The following MYO18B variants were observed in gnomAD, a reference collection of about 807,000 sequenced individuals.
MYO18B encodes unconventional myosin-XVIIIb.
Under a neutral mutation model 273.0 loss-of-function variants are expected in MYO18B, and 204 were observed. That is an observed-to-expected ratio of 0.75 (90% CI 0.67 to 0.84). The LOEUF is 0.84. MYO18B is among the 40% of genes least tolerant of loss of function. The pLI, the probability that MYO18B is intolerant of heterozygous loss-of-function variation, is 0.00. For missense variants in MYO18B, 3,212 were observed against 3,287.6 expected (o/e 0.98, Z 0.56); for synonymous variants, 1,330 against 1,305.7 (o/e 1.02, Z -0.40).
intron 42 of MYO18B, among the ~76,000 whole-genome samples, chr22:26,018,974 G>A (rs184626172): frequency 1.3e-5 from 2 of 152,224 alleles, no homozygotes; most frequent in East Asian, 1.9e-4. Context: ...AGAAAGGAAC[G>A]CTGTGCACCC....
chr22:25,943,711 CTTTTTT>C (rs59256754), intron 34 of MYO18B, among the ~76,000 whole-genome samples: 7 of 79,576 alleles, frequency 8.8e-5, no homozygotes, highest in Admixed American at 4.3e-4. Context: ...TCTTTCTTTC[CTTTTTT>C]TTTTTTTTTT....
At chr22:25,781,888 TG>T in intron 10 of MYO18B, 54 bp downstream of exon 10, 2 of 1,260,976 alleles carry the variant, frequency 1.6e-6, no homozygotes, top group Non-Finnish European at 2.1e-6. Flanking sequence ...AAAGGGCACA[TG>T]TTCTTTGGGG....
chr22:25,921,840 G>A (rs985779953), intron 34 of MYO18B, among the ~76,000 whole-genome samples: 17 of 151,064 alleles, frequency 1.1e-4, no homozygotes, highest in African/African-American at 4.2e-4. Context: ...GTGTGTGTGT[G>A]TGTGTGTGTG....
chr22:25,993,904 ATTT>A (rs11434878), intron 40 of MYO18B, among the ~76,000 whole-genome samples: 1 of 150,980 alleles, frequency 6.6e-6, no homozygotes, highest in Non-Finnish European at 1.5e-5. Flanking sequence ...ACGGGTGACA[ATTT>A]TTTTTTTCTT....
At chr22:25,977,914 G>A (rs1435916280) in intron 39 of MYO18B, among the ~76,000 whole-genome samples, 1 of 152,308 alleles carries the variant, frequency 6.6e-6, no homozygotes, top group African/African-American at 2.4e-5. Context: ...TTGGGGTCAC[G>A]TTGCAAATGG....
chr22:25,905,506 G>A (rs893145840), intron 31 of MYO18B, among the ~76,000 whole-genome samples: 4 of 152,176 alleles, frequency 2.6e-5, no homozygotes, highest in Non-Finnish European at 5.9e-5. Context: ...AGGGTTGGGG[G>A]AGAGATCGGG....
intron 39 of MYO18B, among the ~76,000 whole-genome samples, chr22:25,978,689 C>T (rs1468302013): frequency 1.3e-5 from 2 of 152,152 alleles, no homozygotes; most frequent in South Asian, 2.1e-4. Flanking sequence ...CATGGTCGCT[C>T]ATGCCTGTAA....
chr22:25,905,393 G>A (rs2092021858), intron 31 of MYO18B, among the ~76,000 whole-genome samples: 1 of 152,140 alleles, frequency 6.6e-6, no homozygotes, highest in African/African-American at 2.4e-5. Context: ...GGATGCTGAG[G>A]GTGCAATTGC....
chr22:25,769,573 G>A (rs549034202), intron 4 of MYO18B, 145 bp downstream of exon 4: 3 of 726,638 alleles, frequency 4.1e-6, no homozygotes, highest in Non-Finnish European at 6.6e-6. Flanking sequence ...GAACTGCAAG[G>A]CACCCAGAGG....
chr22:25,758,342 CAT>C (rs1318342912), intron 1 of MYO18B, among the ~76,000 whole-genome samples: 2 of 135,512 alleles, frequency 1.5e-5, no homozygotes, highest in African/African-American at 2.7e-5. Flanking sequence ...TTGAATTAAA[CAT>C]AAAATTATTA....
Position 25,952,309 on chromosome 22 carries a change from C to T in MYO18B, c.5856C>T (p.Ile1952=), listed in dbSNP as rs1033918297. 1.9e-6 allele frequency: 3 copies of T among 1,610,562 alleles called. No homozygotes were observed. The highest frequency in any genetic ancestry group is 1.7e-5 in the Admixed American group (1 of 59,606). The change falls in exon 38 of 44, where the codon ATC becomes ATT. Residue 1952 remains isoleucine, a synonymous_variant. Coordinates refer to ENST00000335473, the MANE Select transcript of MYO18B (RefSeq NM_032608.7). The part of the protein sequence containing the change: ...QEQLQVAQMR[I]EYLEQSTVDR... ...AGCTGCAGGTGGCTCAGATGCGCAT[C>T]GAGTACCTGGAACAGTCCACCGTGG...
At chr22:25,809,998 T>TTAA (rs746852744) in intron 12 of MYO18B, among the ~76,000 whole-genome samples, 9 of 139,974 alleles carry the variant, frequency 6.4e-5, no homozygotes, top group African/African-American at 2.1e-4. Flanking sequence ...ATAGAAAGTT[T>TTAA]AAAAAAAAAA....
chr22:25,754,011 G>C (rs765637916), intron 1 of MYO18B, among the ~76,000 whole-genome samples: 2 of 152,230 alleles, frequency 1.3e-5, no homozygotes, highest in South Asian at 2.1e-4. Context: ...AAGTGCTGGT[G>C]TTTCAGGTGT....
chr22:25,753,226 C>CT (rs140226698), intron 1 of MYO18B, among the ~76,000 whole-genome samples: 47,698 of 151,940 alleles, frequency 0.31, 7,859 homozygotes, highest in South Asian at 0.42. Context: ...TCCCGGTCGG[C>CT]AGGGGCGGGT....
intron 12 of MYO18B, among the ~76,000 whole-genome samples, chr22:25,813,584 A>T (rs1219604798): frequency 6.6e-6 from 1 of 152,130 alleles, no homozygotes; most frequent in Non-Finnish European, 1.5e-5. Context: ...TAAATTAAGG[A>T]GCGTGCTCTA....
At chr22:25,884,924 G>A (rs1011714913) in intron 25 of MYO18B, 15 of 152,186 alleles carry the variant, frequency 9.9e-5, no homozygotes, top group South Asian at 8.3e-4. Context: ...ATAACACTGC[G>A]TGCTATCTAG....
rs148675600 is a variant in MYO18B at position 25,850,609 on chromosome 22, G to A, written c.3776-861G>A. 4.8e-3 allele frequency among the ~76,000 whole-genome samples: 723 copies of A among 152,060 alleles called. 3 individuals are homozygous for A. Among genetic ancestry groups the A allele is most frequent in the African/African-American group, 0.017 (693 of 41,450 alleles). The stretch of plus-strand genomic sequence containing the variant: ...TTTTTCTTTTTTGGGACAGTGTCTC[G>A]CTCTGTCACCCAGGCTGGAGTGCAG... On this transcript the variant is annotated intron_variant, in intron 20 of 43. Transcript: ENST00000335473.
At chr22:25,762,188 G>A (rs1303625672) in intron 2 of MYO18B, among the ~76,000 whole-genome samples, 1 of 152,100 alleles carries the variant, frequency 6.6e-6, no homozygotes, top group Non-Finnish European at 1.5e-5. Context: ...GGGAAATGAT[G>A]TTGATGTGGG....
intron 41 of MYO18B, 48 bp downstream of exon 41, chr22:26,003,357 T>C (rs757149884): frequency 6.5e-7 from 1 of 1,532,254 alleles, no homozygotes; most frequent in South Asian, 1.2e-5. Flanking sequence ...GGTGAGCCCC[T>C]GGCTCTCTCT....
Sources: gnomAD v4.1 joint callset for allele counts (sites outside exome capture counted in the v4.1 genomes callset) on GRCh38, gnomAD v4.1.1 for gene constraint, MANE v1.5 for transcripts, NCBI Gene and HGNC (gene_info 2026-07-23, HGNC 2026-07-21) for gene names.